The following PCDH11X variants were observed in gnomAD, a reference collection of about 807,000 sequenced individuals.
PCDH11X encodes the protein protocadherin 11 X-linked.
In PCDH11X, 18 loss-of-function variants were observed where a neutral mutation model predicts 53.3. The observed-to-expected ratio is 0.34, with a 90% CI of 0.23 to 0.50. The LOEUF (loss-of-function observed/expected upper bound fraction) is 0.50. PCDH11X is among the 20% of genes least tolerant of loss of function. The probability of loss-of-function intolerance (pLI) is 0.98; values close to 1 mark genes in which losing one functional copy is unlikely to be tolerated. For synonymous variants in PCDH11X, 279 were observed against 393.3 expected (o/e 0.71, Z 3.44); for missense variants, 570 against 1,032.4 (o/e 0.55, Z 6.14).
At chrX:91,852,008 C>CTTTTTTTTT (rs59675485) in intron 5 of PCDH11X, among the ~76,000 whole-genome samples, 1 of 94,477 alleles carries the variant, frequency 1.1e-5, no homozygotes. Context: ...ATTAGGAATT[C>CTTTTTTTTT]TTTTTTTTTT....
At chrX:92,435,143 A>G (rs1313181512) in intron 9 of PCDH11X, among the ~76,000 whole-genome samples, 1 of 111,104 alleles carries the variant, frequency 9.0e-6, no homozygotes, top group Non-Finnish European at 1.9e-5. Context: ...AAGCCGAAAT[A>G]GTGGAATAAC....
chrX:92,271,550 G>A (rs2067959810), intron 8 of PCDH11X, among the ~76,000 whole-genome samples: 1 of 112,023 alleles, frequency 8.9e-6, no homozygotes, highest in East Asian at 2.8e-4. Context: ...CTTGGGGCAT[G>A]CCCTATGTAA....
chrX:92,486,914 T>C (rs1035782053), intron 10 of PCDH11X, among the ~76,000 whole-genome samples: 2 of 107,554 alleles, frequency 1.9e-5, no homozygotes, highest in African/African-American at 6.8e-5. Context: ...TATAATACTT[T>C]GTTAAATTTT....
chrX:91,993,635 G>A, intron 6 of PCDH11X, among the ~76,000 whole-genome samples: 1 of 111,266 alleles, frequency 9.0e-6, no homozygotes, highest in Non-Finnish European at 1.9e-5. Context: ...GGTTAGGGAT[G>A]CCTCTACATT....
chrX:91,808,385 C>T (rs1211799296), intron 1 of PCDH11X, among the ~76,000 whole-genome samples: 1 of 109,490 alleles, frequency 9.1e-6, no homozygotes, highest in Admixed American at 9.8e-5. Flanking sequence ...ATCCCAGCTA[C>T]TCAGGAGGCT....
intron 9 of PCDH11X, among the ~76,000 whole-genome samples, chrX:92,419,280 T>A (rs1242494475): frequency 9.4e-6 from 1 of 105,896 alleles, no homozygotes; most frequent in African/African-American, 3.4e-5. Flanking sequence ...TTGTTCTTTT[T>A]TTTTTTTGTC....
At chrX:91,823,989 G>A (rs890832619) in intron 4 of PCDH11X, among the ~76,000 whole-genome samples, 1 of 110,845 alleles carries the variant, frequency 9.0e-6, no homozygotes, top group Non-Finnish European at 1.9e-5. Context: ...CTTTAAGAAT[G>A]TTGAATATTG....
At chrX:91,895,430 G>A (rs1271342729) in intron 6 of PCDH11X, among the ~76,000 whole-genome samples, 1 of 110,922 alleles carries the variant, frequency 9.0e-6, no homozygotes, top group Non-Finnish European at 1.9e-5. Context: ...GAAAGAAGTG[G>A]TAGGATACAA....
intron 10 of PCDH11X, among the ~76,000 whole-genome samples, chrX:92,577,014 T>G (rs1439188047): frequency 1.8e-5 from 2 of 109,001 alleles, no homozygotes; most frequent in African/African-American, 6.7e-5. Flanking sequence ...ATTTATTATA[T>G]TCTTTAGCTT....
At chrX:92,461,504 T>C (rs991530508) in intron 9 of PCDH11X, among the ~76,000 whole-genome samples, 2 of 112,142 alleles carry the variant, frequency 1.8e-5, no homozygotes, top group African/African-American at 6.5e-5. Flanking sequence ...TGGATATCCA[T>C]ATGCAGAAGA....
intron 6 of PCDH11X, among the ~76,000 whole-genome samples, chrX:92,047,677 G>T (rs757995714): frequency 1.8e-5 from 2 of 110,362 alleles, no homozygotes; most frequent in South Asian, 7.8e-4. Context: ...TAAGAAGTCA[G>T]AGTAAATAGT....
Position 91,970,160 on chromosome X carries a change from T to C in PCDH11X, c.3033+90887T>C, listed in dbSNP as rs764937116. ...AGCCGCAGACCTTCACAGTGAGTGTTACAGCTCTTTAAGGCAGTGCGGACC... is the reference window on the plus strand; with the variant it reads ...AGCCGCAGACCTTCACAGTGAGTGTCACAGCTCTTTAAGGCAGTGCGGACC... On this transcript the variant is annotated intron_variant, in intron 6 of 10. Transcript: ENST00000682573. Among the ~76,000 whole-genome samples the C allele has an allele frequency of 7.2e-5, 8 of 111,146 alleles. No individual in the cohort carries two copies. In the Admixed American group the frequency reaches 7.7e-4, roughly 11 times the overall value.
intron 10 of PCDH11X, 86 bp downstream of exon 10, chrX:92,468,408 C>A (rs1403476585): frequency 7.5e-6 from 8 of 1,059,946 alleles, no homozygotes; most frequent in Non-Finnish European, 8.7e-6. Flanking sequence ...GAACTGTTTA[C>A]CTTTTTGCTT....
intron 7 of PCDH11X, among the ~76,000 whole-genome samples, chrX:92,218,191 AAAATC>A (rs1488493922): frequency 1.8e-5 from 2 of 110,839 alleles, no homozygotes; most frequent in Non-Finnish European, 3.8e-5. Flanking sequence ...AGAAATAACT[AAAATC>A]AGAGCAGAAC....
At chrX:91,981,671 C>T (rs1370373491) in intron 6 of PCDH11X, among the ~76,000 whole-genome samples, 1 of 110,884 alleles carries the variant, frequency 9.0e-6, no homozygotes, top group African/African-American at 3.3e-5. Flanking sequence ...CTTACAGTTC[C>T]ACATGGCTGG....
chrX:91,823,272 G>A (rs1468343488), intron 4 of PCDH11X, among the ~76,000 whole-genome samples: 1 of 110,674 alleles, frequency 9.0e-6, no homozygotes, highest in Non-Finnish European at 1.9e-5. Context: ...TTGACAGTGG[G>A]GTGTTAAAGT....
chrX:92,155,617 C>CTTTTTTTTTT (rs775178966), intron 6 of PCDH11X, among the ~76,000 whole-genome samples: 1 of 79,760 alleles, frequency 1.3e-5, no homozygotes, highest in African/African-American at 5.6e-5. Context: ...ACTTCAATAG[C>CTTTTTTTTTT]TTTTTTTTTT....
intron 6 of PCDH11X, among the ~76,000 whole-genome samples, chrX:92,143,542 G>T (rs2065222675): frequency 8.9e-6 from 1 of 112,666 alleles, no homozygotes; most frequent in South Asian, 3.6e-4. Context: ...CTTCCACATG[G>T]TGTTGAGCCT....
intron 6 of PCDH11X, among the ~76,000 whole-genome samples, chrX:92,119,030 T>G (rs4022209): frequency 4.6e-5 from 5 of 108,776 alleles, no homozygotes; most frequent in Admixed American, 9.8e-5. Flanking sequence ...CGTGAGCCAC[T>G]GCGCCCGGCC....
Sources: allele counts gnomAD v4.1 joint callset (sites outside exome capture counted in the v4.1 genomes callset), GRCh38; gene constraint gnomAD v4.1.1; transcripts MANE v1.5; gene names NCBI Gene and HGNC (gene_info 2026-07-23, HGNC 2026-07-21).